The following ZRANB3 variants were observed in gnomAD, a reference collection of about 807,000 sequenced individuals.
ZRANB3 encodes the protein DNA annealing helicase and endonuclease ZRANB3.
In ZRANB3, 125 loss-of-function variants were observed where a neutral mutation model predicts 133.8. The ratio of observed to expected loss-of-function variants is 0.93; its 90% CI spans 0.81 to 1.08. ZRANB3 has a LOEUF of 1.08. Among genes scored for constraint, ZRANB3 ranks in the 50% least tolerant of loss-of-function variants. ZRANB3 has a pLI of 0.00. For synonymous variants in ZRANB3, 387 were observed against 432.7 expected, an observed-to-expected ratio of 0.89 and a Z score of 1.31; for missense variants, 1,229 against 1,275.5, an observed-to-expected ratio of 0.96 and a Z score of 0.56.
intron 8 of ZRANB3, among the ~76,000 whole-genome samples, chr2:135,285,833 GT>G (rs1014815400): frequency 6.6e-6 from 1 of 151,870 alleles, no homozygotes; most frequent in Admixed American, 6.6e-5. Flanking sequence ...ACATGTAACT[GT>G]TTTTTTTCTA....
At chr2:135,203,903 A>G (rs1340111896) in intron 19 of ZRANB3, among the ~76,000 whole-genome samples, 2 of 152,218 alleles carry the variant, frequency 1.3e-5, no homozygotes, top group Admixed American at 6.5e-5. Flanking sequence ...TATTTAATCA[A>G]TGATAACCTA....
chr2:135,421,905 T>C (rs1688866588), intron 2 of ZRANB3, among the ~76,000 whole-genome samples: 1 of 149,696 alleles, frequency 6.7e-6, no homozygotes. Context: ...TTTTTTTTTT[T>C]GCTTTCTAAA....
chr2:135,339,164 C>A (rs1472966564), intron 6 of ZRANB3, among the ~76,000 whole-genome samples: 1 of 152,114 alleles, frequency 6.6e-6, no homozygotes, highest in Non-Finnish European at 1.5e-5. Flanking sequence ...GTAATCCCAG[C>A]ACTTTGGGAG....
chr2:135,211,479 T>G (rs1247758852), intron 17 of ZRANB3, among the ~76,000 whole-genome samples: 2 of 152,286 alleles, frequency 1.3e-5, no homozygotes, highest in African/African-American at 4.8e-5. Flanking sequence ...AGGCAGAGGT[T>G]GCAGTGAGCT....
chr2:135,276,937 C>A (rs913290713), intron 8 of ZRANB3, among the ~76,000 whole-genome samples: 1 of 152,144 alleles, frequency 6.6e-6, no homozygotes, highest in Admixed American at 6.5e-5. Context: ...ATGTGCAATA[C>A]TGCTATTTAC....
intron 8 of ZRANB3, among the ~76,000 whole-genome samples, chr2:135,305,799 T>C (rs1460665332): frequency 1.3e-5 from 2 of 152,212 alleles, no homozygotes; most frequent in African/African-American, 4.8e-5. Flanking sequence ...TTTTTCCTTG[T>C]CTGGGAAATA....
chr2:135,501,032 C>A (rs1195527347), intron 2 of ZRANB3, among the ~76,000 whole-genome samples: 4 of 151,882 alleles, frequency 2.6e-5, no homozygotes, highest in African/African-American at 9.7e-5. Context: ...AGACACAAAT[C>A]CCAGATTTAA....
At chr2:135,275,134 T>C (rs1680732620) in intron 9 of ZRANB3, among the ~76,000 whole-genome samples, 1 of 152,198 alleles carries the variant, frequency 6.6e-6, no homozygotes, top group African/African-American at 2.4e-5. Flanking sequence ...CAATGAGCTG[T>C]TGGGTACACC....
chr2:135,270,795 G>A (rs1226939967), intron 10 of ZRANB3, among the ~76,000 whole-genome samples: 1 of 152,182 alleles, frequency 6.6e-6, no homozygotes, highest in Admixed American at 6.5e-5. Flanking sequence ...GCATGTACCA[G>A]CTTGGCTGAA....
chr2:135,204,704 ATAT>A (rs1021110430), intron 19 of ZRANB3, among the ~76,000 whole-genome samples: 3 of 144,028 alleles, frequency 2.1e-5, no homozygotes, highest in Admixed American at 7.3e-5. Context: ...ACAATAATAT[ATAT>A]TATATGTTTT....
chr2:135,306,284 A>ATT (rs146132259), intron 8 of ZRANB3, among the ~76,000 whole-genome samples: 23 of 123,938 alleles, frequency 1.9e-4, no homozygotes, highest in South Asian at 2.6e-4. Context: ...CATCTGACTG[A>ATT]TTTTTTTTTT....
intron 2 of ZRANB3, among the ~76,000 whole-genome samples, chr2:135,440,527 A>G (rs1015401908): frequency 7.2e-5 from 11 of 152,074 alleles, no homozygotes; most frequent in African/African-American, 2.7e-4. Context: ...AAGATGGGGG[A>G]GCCTATATGG....
intron 2 of ZRANB3, among the ~76,000 whole-genome samples, chr2:135,445,629 G>A (rs1051678468): frequency 6.6e-6 from 1 of 152,058 alleles, no homozygotes; most frequent in African/African-American, 2.4e-5. Context: ...TGTAATCCTA[G>A]CACTTTGGGA....
intron 17 of ZRANB3, among the ~76,000 whole-genome samples, chr2:135,212,571 C>CA (rs1481821075): frequency 6.6e-6 from 1 of 151,990 alleles, no homozygotes; most frequent in Non-Finnish European, 1.5e-5. Flanking sequence ...GAACAAATTC[C>CA]AAAAAACGGA....
At chr2:135,333,567 T>A (rs983628561) in intron 6 of ZRANB3, among the ~76,000 whole-genome samples, 1 of 152,188 alleles carries the variant, frequency 6.6e-6, no homozygotes, top group African/African-American at 2.4e-5. Context: ...TCTTAGATAA[T>A]AAATCAAATC....
rs113052101 is a variant in ZRANB3 at position 135,247,260 on chromosome 2, C to T, written c.1540-16333G>A. On this transcript the variant is annotated intron_variant, in intron 12 of 20. Transcript: ENST00000264159. ...TCGTGAGCATTTGTAAACAAGCCAA[C>T]AAGAGTCTGTTTTCAAAGGAGACAG... is the stretch of plus-strand genomic sequence containing the variant. Among the ~76,000 whole-genome samples, 450 of 152,192 alleles carry T rather than the reference C, an allele frequency of 3.0e-3. 2 individuals carry two copies. The highest frequency in any genetic ancestry group is 0.01 in the African/African-American group (419 of 41,530).
At chr2:135,480,785 C>A (rs1489546376) in intron 2 of ZRANB3, among the ~76,000 whole-genome samples, 1 of 118,258 alleles carries the variant, frequency 8.5e-6, no homozygotes, top group Non-Finnish European at 1.6e-5. Flanking sequence ...CGACAACAGT[C>A]CCCAGAGTGT....
At chr2:135,362,163 A>T (rs1002258823) in intron 3 of ZRANB3, among the ~76,000 whole-genome samples, 2 of 150,338 alleles carry the variant, frequency 1.3e-5, no homozygotes, top group African/African-American at 4.9e-5. Flanking sequence ...GCGCCACTGC[A>T]CTCCAGCCTG....
At chr2:135,511,009 G>A in intron 1 of ZRANB3, 1 of 782,230 alleles carries the variant, frequency 1.3e-6, no homozygotes, top group South Asian at 1.3e-5. Flanking sequence ...CCCCTTTGGG[G>A]AGGAATATTT....
Sources: gnomAD v4.1 joint callset for allele counts (sites outside exome capture counted in the v4.1 genomes callset) on GRCh38, gnomAD v4.1.1 for gene constraint, MANE v1.5 for transcripts, NCBI Gene and HGNC (gene_info 2026-07-23, HGNC 2026-07-21) for gene names.